RFC3: variants seen among roughly 807,000 people sequenced by gnomAD.
RFC3 encodes the protein A1 38 kDa subunit.
RFC3 carries 41 observed loss-of-function variants against 45.1 expected under a neutral mutation model. The ratio of observed to expected loss-of-function variants is 0.91; its 90% CI spans 0.71 to 1.18. The LOEUF is 1.18. Ranked by LOEUF, RFC3 falls within the 50% of genes most tolerant of loss-of-function variation. The pLI, the probability that RFC3 is intolerant of heterozygous loss-of-function variation, is 0.00. For synonymous variants in RFC3, 149 were observed against 144.0 expected (o/e 1.03, Z -0.25); for missense variants, 423 against 428.1 (o/e 0.99, Z 0.10).
chr13:33,836,316 A>G lies in RFC3; in HGVS notation c.*21A>G, dbSNP rs1186812372. On this transcript the variant is annotated 3_prime_UTR_variant, in exon 9 of 9. Coordinates refer to ENST00000380071, the MANE Select transcript of RFC3 (RefSeq NM_002915.4). Reference sequence around the variant, plus strand: ...TCTGACTTCTGTCAGTTATTCTTGCAAAGATTTCTCAGTATCAGTATTTAC... The same window carrying G: ...TCTGACTTCTGTCAGTTATTCTTGCGAAGATTTCTCAGTATCAGTATTTAC... 7.5e-6 allele frequency: 12 copies of G among 1,609,758 alleles called. No homozygotes were observed. The highest frequency in any genetic ancestry group is 2.7e-5 in the African/African-American group (2 of 74,828).
intron 8 of RFC3, among the ~76,000 whole-genome samples, chr13:33,852,499 A>G (rs2082282705): frequency 6.6e-6 from 1 of 152,150 alleles, no homozygotes; most frequent in Non-Finnish European, 1.5e-5. Flanking sequence ...TTCTAAGCAG[A>G]GCATAGAATA....
chr13:33,895,473 G>A (rs1260091447), intron 8 of RFC3, among the ~76,000 whole-genome samples: 2 of 152,108 alleles, frequency 1.3e-5, no homozygotes, highest in Non-Finnish European at 2.9e-5. Flanking sequence ...GCCATTATTA[G>A]AAAGTCAAAA....
chr13:33,855,940 TTTC>T (rs1298761921), intron 8 of RFC3, among the ~76,000 whole-genome samples: 1 of 152,258 alleles, frequency 6.6e-6, no homozygotes, highest in African/African-American at 2.4e-5. Context: ...TTGCTGATAG[TTTC>T]TTTTGCTGTG....
the RFC3 span, among the ~76,000 whole-genome samples, chr13:33,975,418 A>G: frequency 2.0e-5 from 3 of 152,358 alleles, no homozygotes; most frequent in Non-Finnish European, 2.9e-5. Flanking sequence ...ATGAGCATAA[A>G]GAATTTTTTT....
chr13:33,884,372 A>G (rs891433182), intron 8 of RFC3, among the ~76,000 whole-genome samples: 3 of 152,182 alleles, frequency 2.0e-5, no homozygotes, highest in Non-Finnish European at 4.4e-5. Context: ...TTTAGCCACA[A>G]TCCTGAATTA....
At chr13:33,948,935 C>G (rs1428048553) in intron 8 of RFC3, among the ~76,000 whole-genome samples, 2 of 152,122 alleles carry the variant, frequency 1.3e-5, no homozygotes, top group Non-Finnish European at 2.9e-5. Flanking sequence ...TGTGTTGTCT[C>G]AGATAAGACT....
exon 9 of RFC3, chr13:33,966,496 T>G: frequency 4.1e-6 from 1 of 245,342 alleles, no homozygotes. Flanking sequence ...TGTCATGTAT[T>G]TAATAAGTAC....
At chr13:33,886,691 A>T (rs1360754994) in intron 8 of RFC3, among the ~76,000 whole-genome samples, 1 of 148,954 alleles carries the variant, frequency 6.7e-6, no homozygotes, top group Non-Finnish European at 1.5e-5. Flanking sequence ...TGTGCAGGTT[A>T]GTTACATATG....
chr13:33,843,980 C>T (rs1270939102), intron 8 of RFC3, among the ~76,000 whole-genome samples: 13 of 152,106 alleles, frequency 8.5e-5, no homozygotes, highest in Admixed American at 8.5e-4. Flanking sequence ...GAGAAGCTGC[C>T]CATCTTCCTT....
In RFC3 at chr13:33,954,096, CA is replaced by C. The variant is rs1185363821; in HGVS notation, c.880-11990del. Among the ~76,000 whole-genome samples the C allele has an allele frequency of 5.3e-5, 8 of 152,188 alleles. No homozygotes were observed. The East Asian group carries it at 1.5e-3, about 29-fold the overall frequency. ...ATTTCCTTTCACCTAGCTCCCAATC[CA>C]GAAAATAATTGACCAAAAAAATTGA... On this transcript the variant is annotated intron_variant, in intron 8 of 8. Coordinates refer to the RFC3 transcript ENST00000434425.
intron 8 of RFC3, among the ~76,000 whole-genome samples, chr13:33,882,557 C>G (rs1209578483): frequency 6.6e-6 from 1 of 152,220 alleles, no homozygotes; most frequent in East Asian, 1.9e-4. Context: ...CTGTCTGTCT[C>G]TATGCCTGCC....
intron 8 of RFC3, among the ~76,000 whole-genome samples, chr13:33,932,338 A>C (rs7331341): frequency 0.12 from 17,690 of 152,146 alleles, 1,309 homozygotes; most frequent in Admixed American, 0.21. Flanking sequence ...TCAGAAATTC[A>C]AAAAGGGGAA....
chr13:33,925,180 A>G (rs1164769203), intron 8 of RFC3, among the ~76,000 whole-genome samples: 7 of 143,012 alleles, frequency 4.9e-5, no homozygotes, highest in Non-Finnish European at 9.1e-5. Context: ...CTATATACAT[A>G]CACATATAGT....
intron 8 of RFC3, among the ~76,000 whole-genome samples, chr13:33,932,680 T>C (rs1468777813): frequency 6.6e-6 from 1 of 152,128 alleles, no homozygotes; most frequent in Non-Finnish European, 1.5e-5. Flanking sequence ...GTAGGAAAAT[T>C]TTTATGTTAT....
At chr13:33,824,007 T>C (rs2139385442) in intron 3 of RFC3, 23 bp downstream of exon 3, 1 of 1,196,326 alleles carries the variant, frequency 8.4e-7, no homozygotes, top group East Asian at 2.6e-5. Context: ...TATATAGAAA[T>C]TAAGTATTTT....
At chr13:33,964,818 T>C (rs1485223318) in intron 8 of RFC3, among the ~76,000 whole-genome samples, 1 of 152,210 alleles carries the variant, frequency 6.6e-6, no homozygotes, top group East Asian at 1.9e-4. Flanking sequence ...CAAATATAAC[T>C]AAGTTAAAGG....
At chr13:33,945,067 G>A (rs1166679587) in intron 8 of RFC3, among the ~76,000 whole-genome samples, 2 of 152,140 alleles carry the variant, frequency 1.3e-5, no homozygotes, top group East Asian at 1.9e-4. Flanking sequence ...AGCCTTGTCA[G>A]CTCTTGCCCT....
At chr13:33,860,577 C>T (rs988579755) in intron 8 of RFC3, among the ~76,000 whole-genome samples, 12 of 152,066 alleles carry the variant, frequency 7.9e-5, no homozygotes, top group African/African-American at 2.7e-4. Flanking sequence ...GCTTATCCCT[C>T]GGCTTTTTAA....
At chr13:33,934,721 A>G (rs892962851) in intron 8 of RFC3, among the ~76,000 whole-genome samples, 2 of 152,086 alleles carry the variant, frequency 1.3e-5, no homozygotes, top group Non-Finnish European at 2.9e-5. Context: ...CATTGGGTCT[A>G]TCTGGTTTTT....
Sources: gnomAD v4.1 joint callset for allele counts (sites outside exome capture counted in the v4.1 genomes callset) on GRCh38, gnomAD v4.1.1 for gene constraint, MANE v1.5 for transcripts, NCBI Gene and HGNC (gene_info 2026-07-23, HGNC 2026-07-21) for gene names.